ACACA: variants seen among roughly 807,000 people sequenced by gnomAD.
ACACA encodes the protein acetyl-CoA carboxylase alpha, also known as acetyl-CoA carboxylase 1.
Under a neutral mutation model 296.1 loss-of-function variants are expected in ACACA, and 103 were observed. The ratio of observed to expected loss-of-function variants is 0.35; its 90% CI spans 0.30 to 0.41. The LOEUF is 0.41. Ranked by LOEUF, ACACA falls within the 10% of genes least tolerant of loss-of-function variation. ACACA has a pLI of 1.00. For missense variants in ACACA, 1,554 were observed against 2,989.7 expected (o/e 0.52, Z 11.20); for synonymous variants, 953 against 1,038.6 (o/e 0.92, Z 1.58).
chr17:37,313,043 A>C (rs2046924067), intron 3 of ACACA, among the ~76,000 whole-genome samples: 1 of 152,192 alleles, frequency 6.6e-6, no homozygotes. Flanking sequence ...TTCCTGACTA[A>C]TGGAGTCCCA....
chr17:37,305,570 T>C (rs2083834092), intron 3 of ACACA, among the ~76,000 whole-genome samples: 1 of 152,228 alleles, frequency 6.6e-6, no homozygotes, highest in Non-Finnish European at 1.5e-5. Context: ...TTACTTTCCG[T>C]TGGGCCTTAT....
chr17:37,261,144 C>G (rs1430264243), intron 11 of ACACA, among the ~76,000 whole-genome samples: 1 of 152,056 alleles, frequency 6.6e-6, no homozygotes, highest in Non-Finnish European at 1.5e-5. Flanking sequence ...ACCAACTAAA[C>G]CTTAAAAAAG....
At chr17:37,199,055 C>G (rs1445293630) in intron 35 of ACACA, among the ~76,000 whole-genome samples, 1 of 152,074 alleles carries the variant, frequency 6.6e-6, no homozygotes, top group African/African-American at 2.4e-5. Context: ...GCCTGGCTAA[C>G]ATGGTGAACC....
At chr17:37,371,374 G>A (rs73285187) in intron 1 of ACACA, among the ~76,000 whole-genome samples, 1,676 of 151,904 alleles carry the variant, frequency 0.011, 32 homozygotes, top group African/African-American at 0.038. Flanking sequence ...CACGACGCCC[G>A]GCTGATAGTT....
At chr17:37,195,950 G>A (rs2077976696) in intron 35 of ACACA, among the ~76,000 whole-genome samples, 1 of 151,958 alleles carries the variant, frequency 6.6e-6, no homozygotes, top group South Asian at 2.1e-4. Context: ...AAAAACAAAA[G>A]AATGCAACGT....
chr17:37,201,088 C>G (rs891392121), intron 33 of ACACA, among the ~76,000 whole-genome samples: 17 of 152,096 alleles, frequency 1.1e-4, no homozygotes, highest in African/African-American at 4.1e-4. Flanking sequence ...ATTTAATAGG[C>G]CTTTAAATTT....
At position 37,235,038 on chromosome 17, in the gene ACACA, T is replaced by C. The variant is rs2080043419; in HGVS notation, c.3183A>G (p.Val1061=). 2.5e-6 allele frequency: 4 copies of C among 1,613,946 alleles called. No homozygotes were observed. The highest frequency in any genetic ancestry group is 3.4e-6 in the Non-Finnish European group (4 of 1,179,900). ...REENKSDMNT[V]LNYIFSHAQV... is the part of the protein sequence containing the mutation. Reference sequence around the variant, plus strand: ...GAGCGTGAGAGAAGATGTAGTTCAGTACAGTGTTCATGTCACTTTTATTCT... The same window carrying C: ...GAGCGTGAGAGAAGATGTAGTTCAGCACAGTGTTCATGTCACTTTTATTCT... Residue 1061 remains valine (V), a synonymous_variant, in exon 25 of 56, where the codon GTA becomes GTG. Coordinates refer to ENST00000616317, the MANE Select transcript of ACACA (RefSeq NM_198834.3).
chr17:37,093,678 T>G (rs899228501), intron 54 of ACACA, among the ~76,000 whole-genome samples: 41 of 152,162 alleles, frequency 2.7e-4, no homozygotes, highest in African/African-American at 9.7e-4. Context: ...TAAAATTTTT[T>G]GTGAAGACAG....
At chr17:37,177,861 C>T (rs1223891153) in intron 41 of ACACA, among the ~76,000 whole-genome samples, 2 of 152,192 alleles carry the variant, frequency 1.3e-5, no homozygotes, top group African/African-American at 4.8e-5. Flanking sequence ...CTGATACTCT[C>T]CATCTGGTCC....
intron 43 of ACACA, among the ~76,000 whole-genome samples, chr17:37,153,693 G>A (rs529118263): frequency 5.3e-5 from 8 of 151,952 alleles, no homozygotes; most frequent in East Asian, 1.9e-4. Flanking sequence ...TTCTTAGGAC[G>A]CAAATACTTA....
intron 3 of ACACA, among the ~76,000 whole-genome samples, chr17:37,285,391 A>C (rs1355651102): frequency 1.3e-5 from 2 of 152,176 alleles, no homozygotes; most frequent in African/African-American, 4.8e-5. Context: ...ACTGCCTACT[A>C]AATGTTTTAC....
intron 52 of ACACA, among the ~76,000 whole-genome samples, chr17:37,099,263 C>T (rs1005697882): frequency 6.6e-6 from 1 of 152,152 alleles, no homozygotes; most frequent in African/African-American, 2.4e-5. Context: ...CCCAACTCTA[C>T]CTCTTTTTTT....
At chr17:37,111,143 C>A (rs1020232019) in intron 52 of ACACA, among the ~76,000 whole-genome samples, 2 of 152,036 alleles carry the variant, frequency 1.3e-5, no homozygotes, top group African/African-American at 4.8e-5. Flanking sequence ...GCTTTTCTAT[C>A]CCATCTCTCA....
rs1296736532 is a variant in ACACA, at chr17:37,205,759, A to G, written c.4056+6T>C. ...ATCACGAGCTTCCACCCAATCAAGAACTTACATTTTGCTGGGTAAATTCTC... is the reference window on the plus strand; with the variant it reads ...ATCACGAGCTTCCACCCAATCAAGAGCTTACATTTTGCTGGGTAAATTCTC... On this transcript the variant is annotated splice_donor_region_variant and intron_variant, in intron 33 of 55. Transcript: ENST00000616317. 3 of 1,609,998 alleles carry G rather than the reference A, an allele frequency of 1.9e-6. No individual in the cohort carries two copies. The highest frequency in any genetic ancestry group is 2.5e-6 in the Non-Finnish European group (3 of 1,176,616).
chr17:37,235,598 T>C (rs2145859359), intron 24 of ACACA, among the ~76,000 whole-genome samples: 1 of 152,220 alleles, frequency 6.6e-6, no homozygotes, highest in South Asian at 2.1e-4. Flanking sequence ...TTGCAGAAAA[T>C]AGTTGACCCT....
intron 1 of ACACA, among the ~76,000 whole-genome samples, chr17:37,341,276 A>C (rs1233769442): frequency 6.6e-6 from 1 of 152,222 alleles, no homozygotes; most frequent in Non-Finnish European, 1.5e-5. Context: ...AAAATGAAAT[A>C]AGATAGAAAA....
intron 1 of ACACA, among the ~76,000 whole-genome samples, chr17:37,381,839 G>A (rs2050293244): frequency 6.6e-6 from 1 of 151,520 alleles, no homozygotes; most frequent in South Asian, 2.1e-4. Flanking sequence ...GTGTTGGCCA[G>A]GATGGTCTCG....
intron 29 of ACACA, among the ~76,000 whole-genome samples, chr17:37,215,185 C>G (rs2078927875): frequency 1.3e-5 from 2 of 152,138 alleles, no homozygotes; most frequent in Non-Finnish European, 2.9e-5. Context: ...CATTATAACA[C>G]AGAAGGCCAA....
intron 45 of ACACA, among the ~76,000 whole-genome samples, chr17:37,136,580 C>T (rs1001382178): frequency 2.0e-5 from 3 of 152,036 alleles, no homozygotes; most frequent in Non-Finnish European, 4.4e-5. Context: ...TGCATTCCCA[C>T]CAACAATCTA....
Sources: gnomAD v4.1 joint callset for allele counts (sites outside exome capture counted in the v4.1 genomes callset) on GRCh38, gnomAD v4.1.1 for gene constraint, MANE v1.5 for transcripts, NCBI Gene and HGNC (gene_info 2026-07-23, HGNC 2026-07-21) for gene names.